Variants in KSR2 observed in about 807,000 individuals in gnomAD.
KSR2 encodes kinase suppressor of ras 2.
In KSR2, 25 loss-of-function variants were observed where a neutral mutation model predicts 107.8. That is an observed-to-expected ratio of 0.23 (90% CI 0.17 to 0.32). The LOEUF (loss-of-function observed/expected upper bound fraction) is 0.32. Among genes scored for constraint, KSR2 ranks in the 10% least tolerant of loss-of-function variants. The pLI is 1.00. For missense variants in KSR2, 887 were observed against 1,268.9 expected (o/e 0.70, Z 4.57); for synonymous variants, 480 against 507.0 (o/e 0.95, Z 0.71).
chr12:117,873,406 C>T (rs1401909903), intron 1 of KSR2, among the ~76,000 whole-genome samples: 2 of 147,688 alleles, frequency 1.4e-5, no homozygotes, highest in African/African-American at 2.5e-5. Context: ...GGGAGCTCCA[C>T]GTTTATTCTA....
At chr12:117,594,652 G>A (rs1880526673) in intron 5 of KSR2, among the ~76,000 whole-genome samples, 1 of 152,114 alleles carries the variant, frequency 6.6e-6, no homozygotes, top group Non-Finnish European at 1.5e-5. Context: ...ATCAGTAGAA[G>A]GAGGATACAG....
intron 1 of KSR2, among the ~76,000 whole-genome samples, chr12:117,887,485 T>A (rs1023876038): frequency 1.3e-5 from 2 of 152,054 alleles, no homozygotes; most frequent in Non-Finnish European, 2.9e-5. Context: ...CCCAACTAGG[T>A]CAAATCCAGC....
At chr12:117,753,947 C>CGCGTGT (rs1888696616) in intron 4 of KSR2, among the ~76,000 whole-genome samples, 1 of 128,960 alleles carries the variant, frequency 7.8e-6, no homozygotes, top group African/African-American at 3.0e-5. Context: ...AAGTATAGAG[C>CGCGTGT]GTGTGTGTGT....
At chr12:117,893,913 T>C (rs1199304423) in intron 1 of KSR2, among the ~76,000 whole-genome samples, 1 of 150,000 alleles carries the variant, frequency 6.7e-6, no homozygotes, top group Non-Finnish European at 1.5e-5. Flanking sequence ...AATTCTTTTT[T>C]TTTTTTTTTT....
chr12:117,918,126 G>A (rs960622007), intron 1 of KSR2, among the ~76,000 whole-genome samples: 3 of 152,196 alleles, frequency 2.0e-5, no homozygotes, highest in Non-Finnish European at 4.4e-5. Flanking sequence ...GCTGAGAACT[G>A]ACCTGACCTC....
chr12:117,819,853 A>T (rs1339427464), intron 3 of KSR2, among the ~76,000 whole-genome samples: 1 of 152,206 alleles, frequency 6.6e-6, no homozygotes, highest in Non-Finnish European at 1.5e-5. Flanking sequence ...CCTCCAAAAA[A>T]AAAGAAGGGA....
At chr12:117,678,093 G>A (rs1335462697) in intron 4 of KSR2, among the ~76,000 whole-genome samples, 1 of 144,406 alleles carries the variant, frequency 6.9e-6, no homozygotes, top group East Asian at 2.0e-4. Context: ...TGCCACCAAA[G>A]CCCAGCTAAT....
chr12:117,457,347 CAG>C lies in KSR2; in HGVS notation c.*9850_*9851del, dbSNP rs757742333. 36 of 152,310 alleles carry C rather than the reference CAG, an allele frequency of 2.4e-4. No homozygotes were observed. The highest frequency in any genetic ancestry group is 4.6e-4 in the Non-Finnish European group (31 of 68,032). 9.4% of individuals were successfully genotyped at this position (152,310 alleles called of 1,614,324 possible). On this transcript the variant is annotated 3_prime_UTR_variant, in exon 20 of 20. Transcript: ENST00000339824. The stretch of plus-strand genomic sequence containing the variant: ...CTAGTCGCGTGGCCTGGAGACAACT[CAG>C]GGGACATCTGGCAATGTCTGGAGAT...
intron 1 of KSR2, among the ~76,000 whole-genome samples, chr12:117,958,867 C>T (rs1159509109): frequency 6.6e-6 from 1 of 151,984 alleles, no homozygotes; most frequent in Non-Finnish European, 1.5e-5. Context: ...ACTATGTAGC[C>T]ATTACAAATA....
chr12:117,876,776 T>TAA (rs1300036016), intron 1 of KSR2, among the ~76,000 whole-genome samples: 1 of 149,278 alleles, frequency 6.7e-6, no homozygotes, highest in Non-Finnish European at 1.5e-5. Flanking sequence ...TATATATATA[T>TAA]AACAATATTT....
chr12:117,518,662 G>A (rs999805190), intron 14 of KSR2, among the ~76,000 whole-genome samples: 5 of 152,224 alleles, frequency 3.3e-5, no homozygotes, highest in African/African-American at 7.2e-5. Context: ...TCCCATTGCC[G>A]TAGGATAAAC....
intron 1 of KSR2, among the ~76,000 whole-genome samples, chr12:117,893,966 G>A (rs1894427868): frequency 6.8e-6 from 1 of 147,264 alleles, no homozygotes; most frequent in African/African-American, 2.5e-5. Flanking sequence ...CTAGAATGCA[G>A]TGGCGCGATC....
At chr12:117,903,689 T>C (rs1290483846) in intron 1 of KSR2, among the ~76,000 whole-genome samples, 3 of 152,210 alleles carry the variant, frequency 2.0e-5, no homozygotes, top group Non-Finnish European at 4.4e-5. Context: ...CAGCATATTT[T>C]CTGAAATATG....
intron 14 of KSR2, among the ~76,000 whole-genome samples, chr12:117,514,434 G>A (rs921281864): frequency 7.9e-5 from 12 of 152,006 alleles, no homozygotes; most frequent in Non-Finnish European, 1.8e-4. Flanking sequence ...CCCTCCTCTG[G>A]TTTAATCCCT....
intron 4 of KSR2, among the ~76,000 whole-genome samples, chr12:117,736,481 T>C (rs903428455): frequency 6.6e-6 from 1 of 152,152 alleles, no homozygotes; most frequent in Admixed American, 6.5e-5. Flanking sequence ...TCTCATCCCA[T>C]CCTCGTCTCA....
At chr12:117,678,739 T>C (rs1885246007) in intron 4 of KSR2, among the ~76,000 whole-genome samples, 1 of 152,170 alleles carries the variant, frequency 6.6e-6, no homozygotes, top group Admixed American at 6.5e-5. Flanking sequence ...AGGCAGGTTT[T>C]CTGTGGGTGA....
intron 1 of KSR2, among the ~76,000 whole-genome samples, chr12:117,894,725 C>T (rs1362144979): frequency 1.0e-4 from 11 of 107,906 alleles, no homozygotes; most frequent in Non-Finnish European, 1.8e-4. Flanking sequence ...CCCTTCCCGT[C>T]CCCATCTCCC....
intron 1 of KSR2, among the ~76,000 whole-genome samples, chr12:117,900,995 C>A (rs1894664461): frequency 6.6e-6 from 1 of 152,160 alleles, no homozygotes; most frequent in Admixed American, 6.5e-5. Context: ...CAGCAGAGAA[C>A]CTGGTGGCAT....
chr12:117,655,244 T>A (rs1364559673), intron 5 of KSR2, among the ~76,000 whole-genome samples: 1 of 152,210 alleles, frequency 6.6e-6, no homozygotes, highest in Non-Finnish European at 1.5e-5. Flanking sequence ...ACCACCATCA[T>A]GGTATTCCAC....
Sources: gnomAD v4.1 joint callset for allele counts (sites outside exome capture counted in the v4.1 genomes callset) on GRCh38, gnomAD v4.1.1 for gene constraint, MANE v1.5 for transcripts, NCBI Gene and HGNC (gene_info 2026-07-23, HGNC 2026-07-21) for gene names.